The following ESPN variants were observed in gnomAD, a reference collection of about 807,000 sequenced individuals.
ESPN encodes the protein espin, also known as autosomal recessive deafness type 36 protein.
ESPN carries 68 observed loss-of-function variants against 77.7 expected under a neutral mutation model. The observed-to-expected ratio is 0.87, with a 90% CI of 0.72 to 1.07. The LOEUF is 1.07. Among genes scored for constraint, ESPN ranks in the 50% least tolerant of loss-of-function variants. The pLI, the probability that ESPN is intolerant of heterozygous loss-of-function variation, is 0.00. For missense variants in ESPN, 1,060 were observed against 1,239.0 expected, an observed-to-expected ratio of 0.86 and a Z score of 2.17; for synonymous variants, 449 against 567.1, an observed-to-expected ratio of 0.79 and a Z score of 2.96.
chr1:6,426,294 C>T (rs982440162), intron 1 of ESPN, among the ~76,000 whole-genome samples: 1 of 152,242 alleles, frequency 6.6e-6, no homozygotes, highest in African/African-American at 2.4e-5. Context: ...GCCCTGTTAC[C>T]AGGGCTTCCT....
Position 6,451,378 on chromosome 1 carries a change from G to C in ESPN, c.1916-225G>C. On this transcript the variant is annotated intron_variant, in intron 8 of 12. Transcript: ENST00000645284. The surrounding 1 kb of genome is among the most constrained non-coding windows in gnomAD (Gnocchi z 4.3). ...GCAGGGGCCCTCCATCCCGTGAGTA[G>C]GGTGGGGAAGATGGTGGGGTTGCCA... 3.2e-6 allele frequency: 2 copies of C among 617,772 alleles called. No homozygotes were observed. The highest frequency in any genetic ancestry group is 3.8e-5 in the South Asian group (2 of 52,034). 38.3% of individuals were successfully genotyped at this position (617,772 alleles called of 1,614,324 possible).
rs1025635753 is a variant in ESPN at position 6,460,304 on chromosome 1, G to A, written c.*158G>A. 30 of 959,240 alleles carry A rather than the reference G, an allele frequency of 3.1e-5. No individual in the cohort carries two copies. Among genetic ancestry groups the A allele is most frequent in the Non-Finnish European group, 4.3e-5 (28 of 655,460 alleles). 59.4% of individuals were successfully genotyped at this position (959,240 alleles called of 1,614,324 possible). On this transcript the variant is annotated 3_prime_UTR_variant, in exon 13 of 13. Coordinates refer to ENST00000645284, the MANE Select transcript of ESPN (RefSeq NM_031475.3). ...CCCACCCTGGCCCCCCGTATCCCCAGCCCTTGGCAACACTGGAGTGCACAC... is the reference window on the plus strand; with the variant it reads ...CCCACCCTGGCCCCCCGTATCCCCAACCCTTGGCAACACTGGAGTGCACAC...
intron 12 of ESPN, among the ~76,000 whole-genome samples, chr1:6,459,721 G>A (rs927094717): frequency 6.6e-6 from 1 of 152,044 alleles, no homozygotes; most frequent in African/African-American, 2.4e-5. Context: ...TCCTCACATG[G>A]TGCCACACAG....
At chr1:6,442,869 A>G (rs1429015991) in intron 5 of ESPN, among the ~76,000 whole-genome samples, 5 of 100,060 alleles carry the variant, frequency 5.0e-5, no homozygotes, top group Non-Finnish European at 1.1e-4. Flanking sequence ...CGCTGTCTCA[A>G]AAAAAAAAAA....
chr1:6,460,608 A>C lies in ESPN; in HGVS notation c.*462A>C, dbSNP rs41278010. The C allele has an allele frequency of 0.027, 4,551 of 168,718 alleles. 100 individuals carry two copies. Among genetic ancestry groups the C allele is most frequent in the Middle Eastern group, 0.066 (22 of 332 alleles). 10.5% of individuals were successfully genotyped at this position (168,718 alleles called of 1,614,324 possible). On this transcript the variant is annotated 3_prime_UTR_variant, in exon 13 of 13. Transcript: ENST00000645284. ...GGAAGGGGTTTTCCCTTCCTCTCTGACCCAGATCTGCGCGCGGCCTAGCCC... is the reference window on the plus strand; with the variant it reads ...GGAAGGGGTTTTCCCTTCCTCTCTGCCCCAGATCTGCGCGCGGCCTAGCCC...
rs771181578 is a variant in ESPN at position 6,451,711 on chromosome 1, CCA to C, written c.2027_2028del (p.Thr676SerfsTer69). 2.5e-6 allele frequency: 4 copies of C among 1,612,982 alleles called. No individual in the cohort carries two copies. In the African/African-American group the frequency reaches 4.0e-5, roughly 16 times the overall value. On this transcript the variant is annotated frameshift_variant, in exon 9 of 13. Transcript: ENST00000645284. LOFTEE classifies it high-confidence loss of function. This position sits in a 1 kb window ranked among gnomAD's most constrained non-coding sequence, Gnocchi z 4.3. ...CCGACGCCCCAGAGCAAGGGGCTGA[CCA>C]CAGTGTTCTCAGGCATCGGGCAGCC... is the stretch of plus-strand genomic sequence containing the variant.
intron 10 of ESPN, chr1:6,455,919 A>T (rs1241030704): frequency 7.5e-6 from 3 of 398,712 alleles, no homozygotes; most frequent in Non-Finnish European, 1.3e-5. Context: ...AGAGGAGGGG[A>T]AAGAACAGGA....
Position 6,441,008 on chromosome 1 carries a change from G to T in ESPN, c.933G>T (p.Leu311=). ...GCGACGGGTACACGGCCGCCGACCT[G>T]TCGGACTTCAACGGCCACAGCCACT... ...RDRDGYTAAD[L]SDFNGHSHCT... is the part of the protein sequence containing the mutation. Residue 311 remains leucine (L), a synonymous_variant, in exon 5 of 13, where the codon CTG becomes CTT. Transcript: ENST00000645284. 2 of 1,610,454 alleles carry T rather than the reference G, an allele frequency of 1.2e-6. No homozygotes were observed. The highest frequency in any genetic ancestry group is 1.1e-5 in the South Asian group (1 of 90,590).
At chr1:6,426,159 G>A (rs72859999) in intron 1 of ESPN, among the ~76,000 whole-genome samples, 198 of 152,308 alleles carry the variant, frequency 1.3e-3, no homozygotes, top group African/African-American at 4.6e-3. Flanking sequence ...GGAGGAGTCA[G>A]GGTAACTCTA....
intron 10 of ESPN, among the ~76,000 whole-genome samples, chr1:6,453,698 G>A (rs973201570): frequency 1.3e-5 from 2 of 152,206 alleles, no homozygotes; most frequent in Admixed American, 1.3e-4. Context: ...CCGGGTGCGG[G>A]GAGTGTTAAG....
chr1:6,440,192 G>T lies in ESPN; in HGVS notation c.489-62G>T. ...GCTCCCCGGGACGGGATGGGGGCGG[G>T]TAAGAAGGCCTCGGAGGGGGTGAGG... On this transcript the variant is annotated intron_variant, in intron 2 of 12. Transcript: ENST00000645284. 2.0e-6 allele frequency: 3 copies of T among 1,516,682 alleles called. No individual in the cohort carries two copies. In the South Asian group the frequency reaches 3.6e-5, roughly 18 times the overall value. The allele number at this position is 1,516,682 out of a possible 1,614,324, so 94.0% of individuals were successfully genotyped here. A position where few individuals can be genotyped will look rare whatever the true frequency, so the allele number is the denominator to read the frequency against.
chr1:6,457,126 A>T (rs1440575014), intron 10 of ESPN, 58 bp from the exon 11 acceptor site: 15 of 1,519,850 alleles, frequency 9.9e-6, no homozygotes, highest in African/African-American at 1.4e-5. Context: ...CCCGAGGTTG[A>T]GGGTGCCCCC....
intron 3 of ESPN, 84 bp downstream of exon 3, chr1:6,440,524 G>A (rs1643586772): frequency 1.7e-6 from 2 of 1,186,444 alleles, no homozygotes; most frequent in Non-Finnish European, 2.2e-6. Context: ...GCCATCAGGG[G>A]TGGGGCGGGG....
At position 6,428,794 on chromosome 1, in the gene ESPN, G is replaced by T. The variant is rs1320884579; in HGVS notation, c.488+375G>T. On this transcript the variant is annotated intron_variant, in intron 2 of 12. Transcript: ENST00000645284. The surrounding 1 kb of genome is among the most constrained non-coding windows in gnomAD (Gnocchi z 5.4). ...CATTTGCAAGACTGTTCAGGATGGA[G>T]TCGGGGGCAGCAAGGGCAGGAGCGC... Among the ~76,000 whole-genome samples, 1 of 152,198 alleles carries T rather than the reference G, an allele frequency of 6.6e-6. No homozygotes were observed. Among genetic ancestry groups the T allele is most frequent in the Non-Finnish European group, 1.5e-5 (1 of 68,030 alleles).
intron 8 of ESPN, 55 bp downstream of exon 8, chr1:6,449,146 GA>G: frequency 7.1e-7 from 1 of 1,415,362 alleles, no homozygotes; most frequent in Non-Finnish European, 9.2e-7. Flanking sequence ...AAAGGGGAGG[GA>G]AATCTAGACA....
In ESPN at chr1:6,448,642, T is replaced by A. The variant is rs2311020; in HGVS notation, c.1466T>A (p.Leu489Gln). The A allele has an allele frequency of 6.9e-5, 108 of 1,560,234 alleles. No individual in the cohort carries two copies. Among genetic ancestry groups the A allele is most frequent in the Non-Finnish European group, 9.0e-5 (105 of 1,164,270 alleles). ...CCACCGGTCACTGTCTTCCCGCAGC[T>A]GAGCTCCTGTGACGGCCACGACGGG... is the stretch of plus-strand genomic sequence containing the variant. Reference protein sequence around the residue: ...HVETEALKKELSSCDGHDGLR... With the variant: ...HVETEALKKEQSSCDGHDGLR... The change falls in exon 8 of 13, where the codon CTG (leucine) becomes CAG (glutamine). Residue 489 changes from leucine to glutamine, a missense_variant and splice_region_variant. By Grantham distance (113) the Leu-to-Gln change is moderately radical (BLOSUM62 -2). Coordinates refer to ENST00000645284, the MANE Select transcript of ESPN (RefSeq NM_031475.3).
chr1:6,446,022 T>C (rs1643824915), intron 7 of ESPN, 87 bp downstream of exon 7: 4 of 1,383,330 alleles, frequency 2.9e-6, no homozygotes, highest in Non-Finnish European at 4.1e-6. Context: ...GCCTCACTAG[T>C]GGGCATAGGG....
In ESPN at chr1:6,451,748, G is replaced by A. The variant is rs766423237; in HGVS notation, c.2061G>A (p.Gln687=). 6.2e-6 allele frequency: 10 copies of A among 1,612,040 alleles called. No homozygotes were observed. In the East Asian group the frequency reaches 2.2e-4, roughly 36 times the overall value. The part of the protein sequence containing the change: ...VFSGIGQPAF[Q]PDSPLPSVSP... ...CAGGCATCGGGCAGCCGGCCTTCCAGGTAGGCGGGCCCAGCAGGAGCCTGC... is the reference window on the plus strand; with the variant it reads ...CAGGCATCGGGCAGCCGGCCTTCCAAGTAGGCGGGCCCAGCAGGAGCCTGC... Residue 687 remains glutamine (Q), a splice_region_variant and synonymous_variant, in exon 9 of 13, where the codon CAG becomes CAA. Transcript: ENST00000645284. The surrounding 1 kb of genome is among the most constrained non-coding windows in gnomAD (Gnocchi z 4.3).
Position 6,450,496 on chromosome 1 carries a change from G to A in ESPN, c.1916-1107G>A. ...GTGAGTAGCTGCGTGCGCGGCTCCTGGCTGAGGCTGAGGCGCGGGGTGGGG... is the reference window on the plus strand; with the variant it reads ...GTGAGTAGCTGCGTGCGCGGCTCCTAGCTGAGGCTGAGGCGCGGGGTGGGG... On this transcript the variant is annotated intron_variant, in intron 8 of 12. Transcript: ENST00000645284. This position sits in a 1 kb window ranked among gnomAD's most constrained non-coding sequence, Gnocchi z 4.3. The A allele has an allele frequency of 2.1e-6, 2 of 961,172 alleles. No homozygotes were observed. The highest frequency in any genetic ancestry group is 2.5e-6 in the Non-Finnish European group (2 of 807,408). 59.5% of individuals were successfully genotyped at this position (961,172 alleles called of 1,614,324 possible). A position where few individuals can be genotyped will look rare whatever the true frequency, so the allele number is the denominator to read the frequency against.
Sources: allele counts gnomAD v4.1 joint callset (sites outside exome capture counted in the v4.1 genomes callset), GRCh38; gene constraint gnomAD v4.1.1; non-coding constraint Gnocchi (gnomAD v3.1); transcripts MANE v1.5; gene names NCBI Gene and HGNC (gene_info 2026-07-23, HGNC 2026-07-21).